Variants in BCL9 observed in about 807,000 individuals in gnomAD.
The protein encoded by BCL9 is BCL9 transcription coactivator, also known as B-cell CLL/lymphoma 9 protein.
In BCL9, 25 loss-of-function variants were observed where a neutral mutation model predicts 88.5. The observed-to-expected ratio is 0.28, with a 90% CI of 0.21 to 0.39. The LOEUF (loss-of-function observed/expected upper bound fraction) is 0.39. Ranked by LOEUF, BCL9 falls within the 10% of genes least tolerant of loss-of-function variation. The pLI is 1.00. For missense variants in BCL9, 1,817 were observed against 1,877.8 expected (o/e 0.97, Z 0.60); for synonymous variants, 711 against 673.3 (o/e 1.06, Z -0.87).
chr1:147,554,913 ACAC>A lies in BCL9; in HGVS notation c.-478+13244_-478+13246del, dbSNP rs369742571. Among the ~76,000 whole-genome samples the A allele has an allele frequency of 5.3e-3, 804 of 152,240 alleles. 31 individuals carry two copies. The South Asian group carries it at 0.066, about 12-fold the overall frequency. On this transcript the variant is annotated intron_variant, in intron 1 of 9. Coordinates refer to ENST00000234739, the MANE Select transcript of BCL9 (RefSeq NM_004326.4). ...ATATCTCCAGGTCCCTGGTGCTTAC[ACAC>A]CACCTTTCTTTCTCTTCAATCTCCT...
intron 1 of BCL9, among the ~76,000 whole-genome samples, chr1:147,578,403 A>C (rs1557834310): frequency 6.6e-6 from 1 of 152,184 alleles, no homozygotes; most frequent in Non-Finnish European, 1.5e-5. Flanking sequence ...CAGCATCCTC[A>C]AGGGAAAAAT....
Position 147,613,006 on chromosome 1 carries a change from C to T in BCL9, c.177C>T (p.Ser59=). ...QGKQGGSASQ[S]QPSPCDSKSG... is the part of the protein sequence containing the mutation. ...AACAGGGGGGCTCAGCCAGCCAATCCCAGCCATCCCCCTGTGACTCCAAGA... is the reference window on the plus strand; with the variant it reads ...AACAGGGGGGCTCAGCCAGCCAATCTCAGCCATCCCCCTGTGACTCCAAGA... Residue 59 remains serine (S), a synonymous_variant, in exon 5 of 10, where the codon TCC becomes TCT. Transcript: ENST00000234739. 3 of 1,603,682 alleles carry T rather than the reference C, an allele frequency of 1.9e-6. No homozygotes were observed. The highest frequency in any genetic ancestry group is 2.6e-6 in the Non-Finnish European group (3 of 1,175,194).
rs1362269132 is a variant in BCL9, at chr1:147,596,824, T to C, written c.-477-7953T>C. The stretch of plus-strand genomic sequence containing the variant: ...TTTTGGAGCTGAAATTCACCAGTTT[T>C]GGTGAACAATGAGGTAGATGAATCG... On this transcript the variant is annotated intron_variant, in intron 1 of 9. Transcript: ENST00000234739. 2.0e-5 allele frequency among the ~76,000 whole-genome samples: 3 copies of C among 152,250 alleles called. No homozygotes were observed. In the East Asian group the frequency reaches 5.8e-4, roughly 29 times the overall value.
rs1229782062 is a variant in BCL9, at chr1:147,619,653, A to G, written c.1498A>G (p.Met500Val). ...TGTCCAGCAGTGTTCCCTCCAGGACATGATGGTCCATCAGCACGGGCCTCG... is the reference window on the plus strand; with the variant it reads ...TGTCCAGCAGTGTTCCCTCCAGGACGTGATGGTCCATCAGCACGGGCCTCG... ...VVVQQCSLQD[M>V]MVHQHGPRGV... is the part of the protein sequence containing the mutation. The change falls in exon 8 of 10, where the codon ATG (methionine) becomes GTG (valine). Residue 500 changes from methionine to valine, a missense_variant. Transcript: ENST00000234739. This position sits in a 1 kb window ranked among gnomAD's most constrained non-coding sequence, Gnocchi z 4.1. The G allele has an allele frequency of 3.7e-6, 6 of 1,613,996 alleles. No individual in the cohort carries two copies. The highest frequency in any genetic ancestry group is 1.1e-5 in the South Asian group (1 of 91,084).
In BCL9 at chr1:147,612,978, G is replaced by A. The variant is rs941236634; in HGVS notation, c.149G>A (p.Gly50Asp). 14 of 1,612,050 alleles carry A rather than the reference G, an allele frequency of 8.7e-6. No individual in the cohort carries two copies. The highest frequency in any genetic ancestry group is 1.2e-5 in the Non-Finnish European group (14 of 1,179,088). Reference protein sequence around the residue: ...PQLDSKFSNQGKQGGSASQSQ... With the variant: ...PQLDSKFSNQDKQGGSASQSQ... ...CTGGATTCCAAATTCTCCAATCAGG[G>A]TAAACAGGGGGGCTCAGCCAGCCAA... is the stretch of plus-strand genomic sequence containing the variant. The change falls in exon 5 of 10, where the codon GGT becomes GAT. Residue 50 changes from glycine to aspartate, a missense_variant. Coordinates refer to ENST00000234739, the MANE Select transcript of BCL9 (RefSeq NM_004326.4).
rs371011094 is a variant in BCL9 at position 147,605,130 on chromosome 1, A to AG, written c.-343+222dup. Among the ~76,000 whole-genome samples the AG allele has an allele frequency of 3.2e-4, 48 of 152,346 alleles. No homozygotes were observed. In the East Asian group the frequency reaches 8.5e-3, roughly 27 times the overall value. ...GGACTTGTACAATAACTCATTTCAT[A>AG]GGGCCAAGGATAAAGGCAGGTGGTG... is the stretch of plus-strand genomic sequence containing the variant. On this transcript the variant is annotated intron_variant, in intron 2 of 9. Coordinates refer to ENST00000234739, the MANE Select transcript of BCL9 (RefSeq NM_004326.4).
intron 7 of BCL9, 51 bp downstream of exon 7, chr1:147,615,953 C>T (rs1162553492): frequency 1.7e-5 from 26 of 1,523,062 alleles, no homozygotes; most frequent in Non-Finnish European, 2.3e-5. Flanking sequence ...ACAGTGACTG[C>T]AAAGGAAAGG....
intron 1 of BCL9, among the ~76,000 whole-genome samples, chr1:147,573,024 T>C (rs1378432101): frequency 6.6e-6 from 1 of 152,274 alleles, no homozygotes; most frequent in African/African-American, 2.4e-5. Flanking sequence ...TGTGTTTGTG[T>C]ACCCACATAT....
At chr1:147,578,800 TGAATTTTATGTG>T (rs1423190559) in intron 1 of BCL9, among the ~76,000 whole-genome samples, 5 of 152,188 alleles carry the variant, frequency 3.3e-5, no homozygotes, top group African/African-American at 9.7e-5. Context: ...TTATTCCTTT[TGAATTTTATGTG>T]AAGTATAAGG....
intron 1 of BCL9, among the ~76,000 whole-genome samples, chr1:147,575,997 G>GT (rs1232301102): frequency 1.3e-5 from 2 of 150,828 alleles, no homozygotes; most frequent in East Asian, 1.9e-4. Flanking sequence ...AAAATTCTCA[G>GT]TTTTTTTTTC....
intron 1 of BCL9, among the ~76,000 whole-genome samples, chr1:147,565,302 T>A (rs1388349128): frequency 6.6e-6 from 1 of 152,204 alleles, no homozygotes; most frequent in Non-Finnish European, 1.5e-5. Context: ...CATGCAACTC[T>A]TCAATGGATT....
chr1:147,548,863 T>C (rs587725500), intron 1 of BCL9, among the ~76,000 whole-genome samples: 1 of 152,154 alleles, frequency 6.6e-6, no homozygotes, highest in Non-Finnish European at 1.5e-5. Flanking sequence ...TTATGTTGCA[T>C]TAAAGAAAGG....
chr1:147,599,400 GA>G (rs1374255227), intron 1 of BCL9, among the ~76,000 whole-genome samples: 4 of 152,324 alleles, frequency 2.6e-5, no homozygotes, highest in African/African-American at 7.2e-5. Context: ...CAGCAGGGAA[GA>G]GTGAGGGAAA....
intron 1 of BCL9, among the ~76,000 whole-genome samples, chr1:147,583,796 T>C (rs2101555149): frequency 6.6e-6 from 1 of 150,694 alleles, no homozygotes; most frequent in Middle Eastern, 3.4e-3. Context: ...CTACTAAAAG[T>C]ACAAAAATTA....
chr1:147,605,710 C>G (rs905101537), intron 2 of BCL9, among the ~76,000 whole-genome samples: 3 of 152,114 alleles, frequency 2.0e-5, no homozygotes, highest in Non-Finnish European at 4.4e-5. Flanking sequence ...CTATTGTGTA[C>G]TTTTTCTGAG....
At position 147,624,912 on chromosome 1, in the gene BCL9, G is replaced by C; in HGVS notation, c.4234G>C (p.Gly1412Arg). 1 of 1,613,430 alleles carries C rather than the reference G, an allele frequency of 6.2e-7. No homozygotes were observed. Among genetic ancestry groups the C allele is most frequent in the Non-Finnish European group, 8.5e-7 (1 of 1,179,424 alleles). ...PRGMAADVGM[G>R]GFSQGPGNPG... is the part of the protein sequence containing the mutation. Reference sequence around the variant, plus strand: ...GGGCATGGCTGCTGACGTGGGCATGGGTGGATTTAGCCAAGGACCTGGCAA... The same window carrying C: ...GGGCATGGCTGCTGACGTGGGCATGCGTGGATTTAGCCAAGGACCTGGCAA... Residue 1412 changes from glycine to arginine, a missense_variant, in exon 10 of 10, where the codon GGT (glycine) becomes CGT (arginine). This residue lies in a region of BCL9 where 589 missense variants were observed against 686.2 expected (regional missense o/e 0.86). Coordinates refer to ENST00000234739, the MANE Select transcript of BCL9 (RefSeq NM_004326.4). The surrounding 1 kb of genome is among the most constrained non-coding windows in gnomAD (Gnocchi z 4.4).
chr1:147,577,833 A>AGTGTGTGTGTGT (rs1656177018), intron 1 of BCL9, among the ~76,000 whole-genome samples: 1 of 64,092 alleles, frequency 1.6e-5, no homozygotes, highest in East Asian at 3.9e-4. Context: ...TTTTTCTACC[A>AGTGTGTGTGTGT]ATGTGTGTGT....
At chr1:147,607,413 T>G (rs1028902794) in intron 3 of BCL9, among the ~76,000 whole-genome samples, 27 of 152,302 alleles carry the variant, frequency 1.8e-4, no homozygotes, top group Admixed American at 9.8e-4. Flanking sequence ...CAGAGATGAG[T>G]AAGTCAGTTG....
At chr1:147,573,838 A>C (rs1446569069) in intron 1 of BCL9, among the ~76,000 whole-genome samples, 3 of 152,180 alleles carry the variant, frequency 2.0e-5, no homozygotes, top group Non-Finnish European at 4.4e-5. Flanking sequence ...ACCTGAACTT[A>C]ACTAGGTTTC....
Sources: gnomAD v4.1 joint callset for allele counts (sites outside exome capture counted in the v4.1 genomes callset) on GRCh38, gnomAD v4.1.1 for gene constraint, gnomAD v4.1.1 regional missense constraint, Gnocchi (gnomAD v3.1) non-coding constraint, MANE v1.5 for transcripts, NCBI Gene and HGNC (gene_info 2026-07-23, HGNC 2026-07-21) for gene names.